FGFR2: variants seen among roughly 807,000 people sequenced by gnomAD.
FGFR2 encodes BEK fibroblast growth factor receptor.
In FGFR2, 19 loss-of-function variants were observed where a neutral mutation model predicts 95.9. The observed-to-expected ratio is 0.20, with a 90% CI of 0.14 to 0.29. FGFR2 has a LOEUF of 0.29. Ranked by LOEUF, FGFR2 falls within the 10% of genes least tolerant of loss-of-function variation. The probability of loss-of-function intolerance (pLI) is 1.00; values close to 1 mark genes in which losing one functional copy is unlikely to be tolerated. For missense variants in FGFR2, 707 were observed against 1,056.9 expected, an observed-to-expected ratio of 0.67 and a Z score of 4.59; for synonymous variants, 392 against 393.3, an observed-to-expected ratio of 1.00 and a Z score of 0.04.
chr10:121,579,332 C>T (rs1590070858), intron 2 of FGFR2, among the ~76,000 whole-genome samples: 1 of 152,326 alleles, frequency 6.6e-6, no homozygotes, highest in East Asian at 1.9e-4. Context: ...GAGGGCAGTC[C>T]TGGGTTCCTG....
At chr10:121,529,389 C>T (rs1021524258) in intron 6 of FGFR2, among the ~76,000 whole-genome samples, 2 of 152,194 alleles carry the variant, frequency 1.3e-5, no homozygotes, top group African/African-American at 4.8e-5. Context: ...GGATTTCAGG[C>T]GTGAGCCAGC....
chr10:121,555,753 C>T (rs567495768), intron 4 of FGFR2, among the ~76,000 whole-genome samples: 1 of 152,254 alleles, frequency 6.6e-6, no homozygotes, highest in East Asian at 1.9e-4. Flanking sequence ...ATATAGCATA[C>T]CTACTCATTA....
In FGFR2 at chr10:121,497,881, A is replaced by G. The variant is rs372857636; in HGVS notation, c.1672+614T>C. Among the ~76,000 whole-genome samples, 246 of 152,314 alleles carry G rather than the reference A, an allele frequency of 1.6e-3. 1 individual carries two copies. The highest frequency in any genetic ancestry group is 5.2e-3 in the African/African-American group (216 of 41,568). ...CGACCTCCCTTTACAGAAAAAGTTCACCAATTACTATATAGACCTACAAGA... is the reference window on the plus strand; with the variant it reads ...CGACCTCCCTTTACAGAAAAAGTTCGCCAATTACTATATAGACCTACAAGA... On this transcript the variant is annotated intron_variant, in intron 12 of 17. Transcript: ENST00000358487.
At position 121,478,754 on chromosome 10, in the gene FGFR2, A is replaced by C. The variant is rs1844318099; in HGVS notation, c.*1103T>G. The C allele has an allele frequency of 4.3e-6, 1 of 233,580 alleles. No homozygotes were observed. Among genetic ancestry groups the C allele is most frequent in the African/African-American group, 2.2e-5 (1 of 45,360 alleles). 14.5% of individuals were successfully genotyped at this position (233,580 alleles called of 1,614,324 possible). The stretch of plus-strand genomic sequence containing the variant: ...CAAAGAGTCTGGAAGCCATTATCAA[A>C]ATTCACTGAAGAGAATACAGGCTAA... On this transcript the variant is annotated 3_prime_UTR_variant, in exon 18 of 18. Coordinates refer to ENST00000358487, the MANE Select transcript of FGFR2 (RefSeq NM_000141.5).
At chr10:121,516,488 G>A (rs1849726199) in intron 8 of FGFR2, among the ~76,000 whole-genome samples, 1 of 152,192 alleles carries the variant, frequency 6.6e-6, no homozygotes, top group Non-Finnish European at 1.5e-5. Context: ...TAAGCATGCA[G>A]GTAAGCACTG....
chr10:121,494,713 C>T (rs1338808972), intron 13 of FGFR2, among the ~76,000 whole-genome samples: 1 of 152,180 alleles, frequency 6.6e-6, no homozygotes, highest in Non-Finnish European at 1.5e-5. Context: ...CACACATACA[C>T]ACTTGGGATA....
intron 17 of FGFR2, among the ~76,000 whole-genome samples, chr10:121,483,098 A>T (rs1057412071): frequency 6.6e-6 from 1 of 152,206 alleles, no homozygotes; most frequent in Non-Finnish European, 1.5e-5. Context: ...TATTTTAGGG[A>T]AAATAAATAT....
In FGFR2 at chr10:121,518,929, T is replaced by C; in HGVS notation, c.939+1050A>G. The C allele has an allele frequency of 6.9e-7, 1 of 1,440,736 alleles. No homozygotes were observed. The highest frequency in any genetic ancestry group is 9.7e-7 in the Non-Finnish European group (1 of 1,027,922). 89.2% of individuals were successfully genotyped at this position (1,440,736 alleles called of 1,614,324 possible). On this transcript the variant is annotated intron_variant, in intron 7 of 17. Transcript: ENST00000358487. The surrounding 1 kb of genome is among the most constrained non-coding windows in gnomAD (Gnocchi z 4.0). ...CACACCGCAAGAAAACAAACTCCAT[T>C]ACGTCTAAACAGCGGCATTAAAGGG...
intron 6 of FGFR2, among the ~76,000 whole-genome samples, chr10:121,532,231 C>T (rs571110870): frequency 2.0e-5 from 3 of 152,262 alleles, no homozygotes; most frequent in East Asian, 1.9e-4. Context: ...TCTACGGAGC[C>T]GAGACCTTGT....
In FGFR2 at chr10:121,496,609, C is replaced by T. The variant is rs1846848970; in HGVS notation, c.1786G>A (p.Glu596Lys). The T allele has an allele frequency of 1.2e-6, 2 of 1,613,550 alleles. No individual in the cohort carries two copies. The highest frequency in any genetic ancestry group is 1.7e-6 in the Non-Finnish European group (2 of 1,180,014). The stretch of plus-strand genomic sequence containing the variant: ...ACCAAGTCCTTGAAGGTCATCTGCT[C>T]CTCAGGAACACGGTTAATGTCATAG... ...YSYDINRVPE[E>K]QMTFKDLVSC... The change falls in exon 13 of 18, where the codon GAG becomes AAG. Residue 596 changes from glutamate (E) to lysine (K), a missense_variant. This residue lies in a region of FGFR2 where 37 missense variants were observed against 34.1 expected (regional missense o/e 1.09). Coordinates refer to ENST00000358487, the MANE Select transcript of FGFR2 (RefSeq NM_000141.5).
At chr10:121,545,629 CATAAAGT>C (rs1854387504) in intron 5 of FGFR2, among the ~76,000 whole-genome samples, 4 of 152,168 alleles carry the variant, frequency 2.6e-5, no homozygotes, top group Admixed American at 1.3e-4. Flanking sequence ...AAAAAATCTC[CATAAAGT>C]ATAAACATGC....
At chr10:121,588,013 T>C (rs890265111) in intron 2 of FGFR2, among the ~76,000 whole-genome samples, 19 of 152,174 alleles carry the variant, frequency 1.2e-4, no homozygotes, top group African/African-American at 2.2e-4. Context: ...CAGTAACAGA[T>C]TGGATAAAGA....
rs1484775140 is a variant in FGFR2, at chr10:121,497,571, C to T, written c.1673-849G>A. 2.6e-5 allele frequency among the ~76,000 whole-genome samples: 4 copies of T among 152,306 alleles called. No individual in the cohort carries two copies. The East Asian group carries it at 7.7e-4, about 29-fold the overall frequency. ...TTATCCATTCCCTTATATGCATAGG[C>T]ATTTGCTTCCAGGTTTCAGCCATAA... On this transcript the variant is annotated intron_variant, in intron 12 of 17. Coordinates refer to ENST00000358487, the MANE Select transcript of FGFR2 (RefSeq NM_000141.5).
intron 4 of FGFR2, among the ~76,000 whole-genome samples, chr10:121,562,806 C>T (rs1857171739): frequency 6.6e-6 from 1 of 152,190 alleles, no homozygotes; most frequent in South Asian, 2.1e-4. Flanking sequence ...GATGGCAGTG[C>T]AGGTTCATCA....
At chr10:121,487,507 T>G in intron 14 of FGFR2, 83 bp from the exon 15 acceptor site, 3 of 1,127,746 alleles carry the variant, frequency 2.7e-6, no homozygotes, top group East Asian at 5.1e-5. Flanking sequence ...ATGCCCTGTT[T>G]AAGAGCTGAT....
rs938460066 is a variant in FGFR2 at position 121,564,544 on chromosome 10, C to T, written c.412G>A (p.Asp138Asn). The change falls in exon 4 of 18, where the codon GAT (aspartate) becomes AAT (asparagine). Residue 138 changes from aspartate (D) to asparagine (N), a missense_variant. Asp to Asn is a conservative substitution (Grantham distance 23). Transcript: ENST00000358487. ...TCACTGACAAAATCTTCCGCACCAT[C>T]GGTGTCATCCTCATCATCTCCGGAT... ...ISSGDDEDDT[D>N]GAEDFVSENS... 7 of 1,614,010 alleles carry T rather than the reference C, an allele frequency of 4.3e-6. No homozygotes were observed. The highest frequency in any genetic ancestry group is 1.3e-5 in the African/African-American group (1 of 75,020).
intron 6 of FGFR2, among the ~76,000 whole-genome samples, chr10:121,528,839 G>C (rs1237996340): frequency 6.6e-6 from 1 of 152,216 alleles, no homozygotes; most frequent in Non-Finnish European, 1.5e-5. Context: ...GAAGCCTCAA[G>C]TCAGGCCCCA....
At chr10:121,483,397 T>C (rs1247549054) in intron 17 of FGFR2, among the ~76,000 whole-genome samples, 2 of 152,200 alleles carry the variant, frequency 1.3e-5, no homozygotes, top group Non-Finnish European at 2.9e-5. Context: ...TGCAAGTGAA[T>C]ACTGCTTCCC....
chr10:121,509,708 C>T lies in FGFR2; in HGVS notation c.1287+5409G>A. ...ACGCTGGTCAGGCTGGTCTCGAACT[C>T]CTGACCTCAGGTGATCCACCTACGT... On this transcript the variant is annotated intron_variant, in intron 9 of 17. Transcript: ENST00000358487. Among the ~76,000 whole-genome samples the T allele has an allele frequency of 1.3e-5, 2 of 151,794 alleles. 1 individual carries two copies. The highest frequency in any genetic ancestry group is 2.9e-5 in the Non-Finnish European group (2 of 67,978).
Sources: allele counts gnomAD v4.1 joint callset (sites outside exome capture counted in the v4.1 genomes callset), GRCh38; gene constraint gnomAD v4.1.1; regional missense constraint gnomAD v4.1.1; non-coding constraint Gnocchi (gnomAD v3.1); transcripts MANE v1.5; gene names NCBI Gene and HGNC (gene_info 2026-07-23, HGNC 2026-07-21).